The following LAMA4 variants were observed in gnomAD, a reference collection of about 807,000 sequenced individuals.
LAMA4 encodes laminin subunit alpha 4, also known as laminin subunit alpha-4.
Under a neutral mutation model 207.1 loss-of-function variants are expected in LAMA4, and 127 were observed. The observed-to-expected ratio is 0.61, with a 90% CI of 0.53 to 0.71. LAMA4 has a LOEUF of 0.71. LAMA4 is among the 30% of genes least tolerant of loss of function. The pLI is 0.00. For missense variants in LAMA4, 2,093 were observed against 2,246.5 expected, an observed-to-expected ratio of 0.93 and a Z score of 1.38; for synonymous variants, 761 against 816.0, an observed-to-expected ratio of 0.93 and a Z score of 1.15.
intron 3 of LAMA4, among the ~76,000 whole-genome samples, chr6:112,207,379 G>C (rs1274988779): frequency 6.6e-6 from 1 of 152,138 alleles, no homozygotes; most frequent in Non-Finnish European, 1.5e-5. Flanking sequence ...TGTGCTAGTA[G>C]CCTGGGGACT....
At chr6:112,115,222 C>A (rs1457592010) in intron 36 of LAMA4, among the ~76,000 whole-genome samples, 1 of 151,818 alleles carries the variant, frequency 6.6e-6, no homozygotes, top group Non-Finnish European at 1.5e-5. Flanking sequence ...AGAATAGTAC[C>A]CAACAAATAG....
intron 18 of LAMA4, among the ~76,000 whole-genome samples, chr6:112,145,741 G>A (rs1376094024): frequency 2.6e-5 from 4 of 152,214 alleles, no homozygotes; most frequent in Middle Eastern, 3.4e-3. Flanking sequence ...AGCACAGTTT[G>A]TTTCTATTTT....
At chr6:112,127,224 T>G (rs1455627448) in intron 31 of LAMA4, among the ~76,000 whole-genome samples, 1 of 151,154 alleles carries the variant, frequency 6.6e-6, no homozygotes, top group Non-Finnish European at 1.5e-5. Flanking sequence ...ATAAACATAA[T>G]AAAGAAAGCA....
chr6:112,112,169 G>A (rs1224225302), intron 38 of LAMA4, among the ~76,000 whole-genome samples: 1 of 152,168 alleles, frequency 6.6e-6, no homozygotes, highest in Non-Finnish European at 1.5e-5. Flanking sequence ...TAGGGGGAAA[G>A]GGGCGTGTTG....
chr6:112,187,801 TC>T (rs1782783626), intron 7 of LAMA4, among the ~76,000 whole-genome samples, 200 bp from the exon 8 acceptor site: 1 of 152,178 alleles, frequency 6.6e-6, no homozygotes, highest in Admixed American at 6.5e-5. Flanking sequence ...TAGACGCTCC[TC>T]CTCTCCTATT....
chr6:112,177,383 G>A (rs1782087299), intron 10 of LAMA4, among the ~76,000 whole-genome samples: 1 of 151,892 alleles, frequency 6.6e-6, no homozygotes, highest in South Asian at 2.1e-4. Context: ...TTAATATATA[G>A]TATAATAAAA....
At chr6:112,230,191 G>A (rs1554364017) in intron 2 of LAMA4, among the ~76,000 whole-genome samples, 1 of 152,204 alleles carries the variant, frequency 6.6e-6, no homozygotes. Flanking sequence ...CCTGGCAGCT[G>A]TGCAGTAAAT....
intron 33 of LAMA4, 33 bp from the exon 34 acceptor site, chr6:112,119,344 G>C: frequency 6.2e-7 from 1 of 1,609,236 alleles, no homozygotes; most frequent in Non-Finnish European, 8.5e-7. Flanking sequence ...GCACATCTCA[G>C]GTACATTCCA....
intron 2 of LAMA4, among the ~76,000 whole-genome samples, chr6:112,235,284 G>A (rs1306988917): frequency 2.6e-5 from 4 of 152,152 alleles, no homozygotes; most frequent in Non-Finnish European, 5.9e-5. Flanking sequence ...TAGTTCTGCT[G>A]GGAATTGGCA....
chr6:112,254,142 C>CA lies in LAMA4; in HGVS notation c.8dup (p.Leu3PhefsTer33), dbSNP rs782444750. 1 of 1,612,846 alleles carries CA rather than the reference C, an allele frequency of 6.2e-7. No homozygotes were observed. Among genetic ancestry groups the CA allele is most frequent in the African/African-American group, 1.3e-5 (1 of 75,052 alleles). Reference sequence around the variant, plus strand: ...GCAGAACCGAGCGCCAGGCTGAGCTCAAAGCCATTTCTCCGCTGACATCCA... The same window carrying CA: ...GCAGAACCGAGCGCCAGGCTGAGCTCAAAAGCCATTTCTCCGCTGACATCCA... On this transcript the variant is annotated frameshift_variant, in exon 2 of 39. Coordinates refer to ENST00000230538, the MANE Select transcript of LAMA4 (RefSeq NM_001105206.3). LOFTEE classifies it high-confidence loss of function.
intron 26 of LAMA4, among the ~76,000 whole-genome samples, chr6:112,133,932 A>T (rs2114662894): frequency 6.6e-6 from 1 of 152,334 alleles, no homozygotes; most frequent in Non-Finnish European, 1.5e-5. Flanking sequence ...TGATGTTAGG[A>T]TTTGAACACA....
In LAMA4 at chr6:112,177,217, A is replaced by G. The variant is rs552670474; in HGVS notation, c.1189+904T>C. Among the ~76,000 whole-genome samples, 8 of 152,340 alleles carry G rather than the reference A, an allele frequency of 5.3e-5. No homozygotes were observed. In the South Asian group the frequency reaches 1.7e-3, roughly 32 times the overall value. On this transcript the variant is annotated intron_variant, in intron 10 of 38. Transcript: ENST00000230538. ...TGCATGTCATTTGCTTTTATTGTTT[A>G]TAATAGACATCAAAGGAAACATGAC...
At chr6:112,140,019 T>G in intron 22 of LAMA4, 134 bp from the exon 23 acceptor site, 1 of 847,446 alleles carries the variant, frequency 1.2e-6, no homozygotes, top group Non-Finnish European at 2.0e-6. Flanking sequence ...GACCCGAGTG[T>G]GTTTATGCCA....
chr6:112,140,685 CATT>C (rs1203756831), intron 22 of LAMA4, 72 bp downstream of exon 22: 43 of 1,397,602 alleles, frequency 3.1e-5, no homozygotes, highest in Admixed American at 1.5e-4. Context: ...ACCCCCAAGT[CATT>C]ATAGGTTTAT....
At chr6:112,241,858 C>A (rs1475784018) in intron 2 of LAMA4, among the ~76,000 whole-genome samples, 1 of 152,152 alleles carries the variant, frequency 6.6e-6, no homozygotes, top group Non-Finnish European at 1.5e-5. Context: ...GGAGGAAGAG[C>A]AATTGGCAAT....
At chr6:112,221,183 T>A (rs1784904427) in intron 2 of LAMA4, among the ~76,000 whole-genome samples, 1 of 152,138 alleles carries the variant, frequency 6.6e-6, no homozygotes, top group Non-Finnish European at 1.5e-5. Flanking sequence ...CCAAAGAGGA[T>A]CAGACCCAAG....
intron 3 of LAMA4, among the ~76,000 whole-genome samples, chr6:112,209,121 C>T (rs1175302306): frequency 1.1e-4 from 16 of 152,110 alleles, no homozygotes; most frequent in Non-Finnish European, 2.2e-4. Flanking sequence ...CAGGAAAAAC[C>T]AATGAGCCTT....
At chr6:112,114,595 C>T in intron 37 of LAMA4, 68 bp downstream of exon 37, 1 of 1,045,814 alleles carries the variant, frequency 9.6e-7, no homozygotes, top group Non-Finnish European at 1.5e-6. Flanking sequence ...AAGTGATAGC[C>T]TAAGTTCTGC....
chr6:112,123,311 G>C (rs1778487175), intron 31 of LAMA4, among the ~76,000 whole-genome samples: 1 of 152,202 alleles, frequency 6.6e-6, no homozygotes, highest in Non-Finnish European at 1.5e-5. Flanking sequence ...CAAGATGAGA[G>C]AGAGGATTAG....
Sources: allele counts gnomAD v4.1 joint callset (sites outside exome capture counted in the v4.1 genomes callset), GRCh38; gene constraint gnomAD v4.1.1; transcripts MANE v1.5; gene names NCBI Gene and HGNC (gene_info 2026-07-23, HGNC 2026-07-21).